The following UQCC1 variants were observed in gnomAD, a reference collection of about 807,000 sequenced individuals.
The protein encoded by UQCC1 is ubiquinol-cytochrome c reductase complex assembly factor 1.
In UQCC1, 38 loss-of-function variants were observed where a neutral mutation model predicts 48.0. The ratio of observed to expected loss-of-function variants is 0.79; its 90% CI spans 0.61 to 1.04. The LOEUF (loss-of-function observed/expected upper bound fraction) is 1.04, where lower values mean the gene tolerates loss of function less well. Among genes scored for constraint, UQCC1 ranks in the 50% least tolerant of loss-of-function variants. UQCC1 has a pLI of 0.00. For synonymous variants in UQCC1, 111 were observed against 129.2 expected, an observed-to-expected ratio of 0.86 and a Z score of 0.95; for missense variants, 368 against 381.8, an observed-to-expected ratio of 0.96 and a Z score of 0.30.
chr20:35,397,536 G>GAA (rs1172005636), intron 1 of UQCC1, among the ~76,000 whole-genome samples: 1 of 143,338 alleles, frequency 7.0e-6, no homozygotes, highest in African/African-American at 2.6e-5. Context: ...AAAGAAAAAA[G>GAA]AAAAAAAAAT....
chr20:35,410,724 A>AAAAAAAAAAAAAAAAAAAAAAC (rs57687238), intron 1 of UQCC1, among the ~76,000 whole-genome samples: 1 of 115,958 alleles, frequency 8.6e-6, no homozygotes, highest in Non-Finnish European at 1.7e-5. Context: ...AAAAAAAAAA[A>AAAAAAAAAAAAAAAAAAAAAAC]CAAAACCCTA....
intron 6 of UQCC1, among the ~76,000 whole-genome samples, chr20:35,353,496 TA>T (rs1332136154): frequency 6.6e-6 from 1 of 150,944 alleles, no homozygotes; most frequent in Non-Finnish European, 1.5e-5. Flanking sequence ...AAAATAAATT[TA>T]ATGTAGCCTA....
intron 7 of UQCC1, among the ~76,000 whole-genome samples, chr20:35,332,177 G>A (rs2061265233): frequency 6.6e-6 from 1 of 152,188 alleles, no homozygotes; most frequent in South Asian, 2.1e-4. Context: ...GAACACACAG[G>A]GGCCCTCACT....
intron 6 of UQCC1, among the ~76,000 whole-genome samples, chr20:35,348,371 T>TTTTTGTTTTGTTTTG (rs142041816): frequency 4.0e-5 from 6 of 150,934 alleles, no homozygotes; most frequent in African/African-American, 1.5e-4. Flanking sequence ...AGTTCATTCT[T>TTTTTGTTTTGTTTTG]TTTTGTTTTG....
intron 5 of UQCC1, among the ~76,000 whole-genome samples, chr20:35,370,045 C>G (rs914467045): frequency 6.6e-6 from 1 of 152,082 alleles, no homozygotes; most frequent in African/African-American, 2.4e-5. Flanking sequence ...GTCAGCAAAC[C>G]GCAGTGTACT....
Position 35,303,937 on chromosome 20 carries a change from AAAGTCCCTCGTCGTTGT to A in UQCC1, c.881_897del (p.Tyr294LeufsTer33). On this transcript the variant is annotated frameshift_variant, in exon 10 of 10. Coordinates refer to ENST00000374385, the MANE Select transcript of UQCC1 (RefSeq NM_018244.5). LOFTEE classifies it high-confidence loss of function. ...GGCCGTGCGGAGGGCCCAGCCCATCAAAGTCCCTCGTCGTTGTAAGTCGGAGAATGGGGCTTCAGGAT... is the reference window on the plus strand; with the variant it reads ...GGCCGTGCGGAGGGCCCAGCCCATCAAAGTCGGAGAATGGGGCTTCAGGAT... 6.2e-7 allele frequency: 1 copy of A among 1,614,186 alleles called. No homozygotes were observed. Among genetic ancestry groups the A allele is most frequent in the Non-Finnish European group, 8.5e-7 (1 of 1,180,024 alleles).
chr20:35,331,694 A>G (rs2061258945), intron 7 of UQCC1, among the ~76,000 whole-genome samples: 1 of 152,214 alleles, frequency 6.6e-6, no homozygotes, highest in Non-Finnish European at 1.5e-5. Flanking sequence ...GATTCAGCCA[A>G]CATCAACTGA....
intron 5 of UQCC1, among the ~76,000 whole-genome samples, chr20:35,368,768 T>C (rs922292560): frequency 6.6e-6 from 1 of 152,124 alleles, no homozygotes; most frequent in Non-Finnish European, 1.5e-5. Flanking sequence ...CCAAAATACT[T>C]TGGTGAGCTT....
intron 5 of UQCC1, among the ~76,000 whole-genome samples, chr20:35,367,106 A>AC (rs747918494): frequency 2.5e-4 from 37 of 150,560 alleles, no homozygotes; most frequent in East Asian, 8.3e-4. Flanking sequence ...AAAAAAAAAA[A>AC]AAACAAACAA....
At chr20:35,386,600 C>T (rs1208505560) in intron 2 of UQCC1, among the ~76,000 whole-genome samples, 1 of 152,170 alleles carries the variant, frequency 6.6e-6, no homozygotes, top group African/African-American at 2.4e-5. Flanking sequence ...CAATGGTCCA[C>T]CTAAAACACA....
chr20:35,316,518 A>G (rs1024891077), intron 7 of UQCC1, among the ~76,000 whole-genome samples: 2 of 152,262 alleles, frequency 1.3e-5, no homozygotes, highest in Non-Finnish European at 2.9e-5. Context: ...CCTGTGGCTC[A>G]TAACTAGTCT....
chr20:35,406,840 C>T (rs909815452), intron 1 of UQCC1, among the ~76,000 whole-genome samples: 4 of 152,036 alleles, frequency 2.6e-5, no homozygotes, highest in East Asian at 1.9e-4. Flanking sequence ...ACACAATGTT[C>T]GGGAAGGAAC....
At position 35,411,909 on chromosome 20, in the gene UQCC1, A is replaced by G. The variant is rs192429590; in HGVS notation, c.24+31T>C. On this transcript the variant is annotated intron_variant, in intron 1 of 9. Coordinates refer to ENST00000374385, the MANE Select transcript of UQCC1 (RefSeq NM_018244.5). The stretch of plus-strand genomic sequence containing the variant: ...TCGAACTCCAACCCGGGACCCAGAG[A>G]GCTACCGTAGAAAATTACTCCTTCA... 6,175 of 1,613,990 alleles carry G rather than the reference A, an allele frequency of 3.8e-3. 43 individuals carry two copies. The highest frequency in any genetic ancestry group is 3.5e-3 in the Non-Finnish European group (4,076 of 1,179,942).
At chr20:35,393,514 ACACACACACAC>A (rs2062037428) in intron 2 of UQCC1, among the ~76,000 whole-genome samples, 3 of 151,250 alleles carry the variant, frequency 2.0e-5, no homozygotes, top group African/African-American at 7.3e-5. Context: ...ACACACACAC[ACACACACACAC>A]ACACACACAG....
chr20:35,345,315 C>T (rs1369797180), intron 7 of UQCC1: 1 of 152,172 alleles, frequency 6.6e-6, no homozygotes, highest in Non-Finnish European at 1.5e-5. Flanking sequence ...GGGCAGAGCC[C>T]TCAACCTGTG....
At chr20:35,381,558 T>C (rs757241516) in intron 4 of UQCC1, among the ~76,000 whole-genome samples, 5 of 152,190 alleles carry the variant, frequency 3.3e-5, no homozygotes, top group Non-Finnish European at 5.9e-5. Context: ...ATCAGAATAA[T>C]GTATGGACCT....
chr20:35,309,578 A>AG (rs2060967917), intron 8 of UQCC1, among the ~76,000 whole-genome samples: 1 of 152,216 alleles, frequency 6.6e-6, no homozygotes, highest in African/African-American at 2.4e-5. Context: ...AACTGGAAGA[A>AG]GGGTCCTGGG....
At chr20:35,403,847 T>A (rs916450721) in intron 1 of UQCC1, among the ~76,000 whole-genome samples, 4 of 151,550 alleles carry the variant, frequency 2.6e-5, no homozygotes, top group Non-Finnish European at 5.9e-5. Context: ...CACTCAGAGG[T>A]GGGAATTGAA....
At chr20:35,341,218 C>CAAAAAAA (rs61675932) in intron 7 of UQCC1, among the ~76,000 whole-genome samples, 1 of 115,842 alleles carries the variant, frequency 8.6e-6, no homozygotes, top group African/African-American at 3.5e-5. Flanking sequence ...GAGACTCCGT[C>CAAAAAAA]AAAAAAAAAA....
Sources: gnomAD v4.1 joint callset for allele counts (sites outside exome capture counted in the v4.1 genomes callset) on GRCh38, gnomAD v4.1.1 for gene constraint, MANE v1.5 for transcripts, NCBI Gene and HGNC (gene_info 2026-07-23, HGNC 2026-07-21) for gene names.